Variants in CDK14 observed in about 807,000 individuals in gnomAD.
CDK14 encodes the protein cyclin dependent kinase 14, also known as cyclin-dependent kinase 14.
A neutral mutation model predicts 60.7 loss-of-function variants in CDK14; 34 were observed. That is an observed-to-expected ratio of 0.56 (90% CI 0.43 to 0.75). The LOEUF (loss-of-function observed/expected upper bound fraction) is 0.75. Ranked by LOEUF, CDK14 falls within the 30% of genes least tolerant of loss-of-function variation. The probability of loss-of-function intolerance (pLI) is 0.00; values close to 1 mark genes in which losing one functional copy is unlikely to be tolerated. For synonymous variants in CDK14, 197 were observed against 203.7 expected, an observed-to-expected ratio of 0.97 and a Z score of 0.28; for missense variants, 482 against 564.1, an observed-to-expected ratio of 0.85 and a Z score of 1.47.
intron 2 of CDK14, among the ~76,000 whole-genome samples, chr7:90,723,900 T>G (rs1802543220): frequency 6.6e-6 from 1 of 152,234 alleles, no homozygotes; most frequent in Admixed American, 6.5e-5. Flanking sequence ...GTAGTTTCCT[T>G]ACAATGTTCT....
intron 2 of CDK14, among the ~76,000 whole-genome samples, chr7:90,610,404 C>T (rs1292689394): frequency 1.3e-5 from 2 of 152,182 alleles, no homozygotes; most frequent in Admixed American, 6.5e-5. Context: ...TGTCCTTGTG[C>T]CGCTGGCCTG....
rs1393344319 is a variant in CDK14, at chr7:90,963,083, A to AAG, written c.947+7269_947+7270dup. Among the ~76,000 whole-genome samples the AAG allele has an allele frequency of 2.2e-3, 115 of 51,540 alleles. 2 individuals carry two copies. The East Asian group carries it at 0.024, about 11-fold the overall frequency. The allele number at this position is 51,540 out of a possible 152,430, so 33.8% of individuals were successfully genotyped here. A position where few individuals can be genotyped will look rare whatever the true frequency, so the allele number is the denominator to read the frequency against. On this transcript the variant is annotated intron_variant, in intron 9 of 14. Transcript: ENST00000380050. ...TTTTGGCCCAGGATATTCTCATCTT[A>AAG]AGAGTGTGTGTGTGTGTGTGTGTGT...
At chr7:90,883,358 T>C (rs1791827375) in intron 6 of CDK14, among the ~76,000 whole-genome samples, 3 of 152,070 alleles carry the variant, frequency 2.0e-5, no homozygotes. Flanking sequence ...AAGAAATGGA[T>C]AAATCCCTGG....
At chr7:90,812,875 T>C (rs537700534) in intron 5 of CDK14, among the ~76,000 whole-genome samples, 33 of 152,126 alleles carry the variant, frequency 2.2e-4, no homozygotes, top group Non-Finnish European at 4.3e-4. Flanking sequence ...AAAGGTTAAA[T>C]ATTAAATTAT....
intron 6 of CDK14, among the ~76,000 whole-genome samples, chr7:90,866,628 A>G (rs945524419): frequency 9.2e-5 from 14 of 152,166 alleles, no homozygotes; most frequent in African/African-American, 3.4e-4. Flanking sequence ...CAAGTGAAGG[A>G]TTCTTATTTA....
chr7:91,104,406 G>A (rs1172881256), intron 12 of CDK14, among the ~76,000 whole-genome samples: 1 of 152,194 alleles, frequency 6.6e-6, no homozygotes, highest in Non-Finnish European at 1.5e-5. Flanking sequence ...TCACAGGAGG[G>A]CAGCTTTCCA....
intron 2 of CDK14, among the ~76,000 whole-genome samples, chr7:90,618,155 G>A (rs1226457312): frequency 6.6e-6 from 1 of 152,050 alleles, no homozygotes; most frequent in Non-Finnish European, 1.5e-5. Flanking sequence ...TATTATGACA[G>A]CTAAAATCTT....
At chr7:90,603,327 T>C (rs1255168122) in intron 1 of CDK14, among the ~76,000 whole-genome samples, 2 of 152,220 alleles carry the variant, frequency 1.3e-5, no homozygotes, top group Non-Finnish European at 2.9e-5. Context: ...GCATACTTGA[T>C]GGTGGTCCCG....
chr7:90,602,278 CGT>C (rs1204643692), intron 1 of CDK14, among the ~76,000 whole-genome samples: 34 of 152,278 alleles, frequency 2.2e-4, no homozygotes, highest in African/African-American at 7.5e-4. Flanking sequence ...ACATAGTGCG[CGT>C]GTTCCATTAA....
chr7:91,142,053 T>G (rs1470440717), intron 14 of CDK14, among the ~76,000 whole-genome samples: 1 of 152,134 alleles, frequency 6.6e-6, no homozygotes, highest in Non-Finnish European at 1.5e-5. Flanking sequence ...CTCAATCTCC[T>G]GACCTCGTGA....
At position 91,011,322 on chromosome 7, in the gene CDK14, T is replaced by C. The variant is rs538167230; in HGVS notation, c.1041+27081T>C. 5.3e-5 allele frequency among the ~76,000 whole-genome samples: 8 copies of C among 152,230 alleles called. No individual in the cohort carries two copies. In the South Asian group the frequency reaches 1.7e-3, roughly 32 times the overall value. Reference sequence around the variant, plus strand: ...TCCTCAGCACCTAGAGGGTTAAGTGTCCATTCTGTGCTGGCTAAATAATTG... The same window carrying C: ...TCCTCAGCACCTAGAGGGTTAAGTGCCCATTCTGTGCTGGCTAAATAATTG... On this transcript the variant is annotated intron_variant, in intron 10 of 14. Coordinates refer to ENST00000380050, the MANE Select transcript of CDK14 (RefSeq NM_001287135.2).
chr7:91,170,159 T>G (rs1295419403), intron 14 of CDK14, among the ~76,000 whole-genome samples: 1 of 152,186 alleles, frequency 6.6e-6, no homozygotes, highest in Non-Finnish European at 1.5e-5. Flanking sequence ...GGTCAAATAG[T>G]GATGCTATGA....
intron 10 of CDK14, among the ~76,000 whole-genome samples, chr7:91,034,939 TACACATACACACACAC>T (rs1796874504): frequency 1.1e-5 from 1 of 94,516 alleles, no homozygotes. Flanking sequence ...CACACACACA[TACACATACACACACAC>T]ACACACACAC....
intron 4 of CDK14, among the ~76,000 whole-genome samples, chr7:90,760,766 A>G (rs3802020): frequency 0.19 from 29,056 of 152,196 alleles, 2,896 homozygotes; most frequent in South Asian, 0.24. Context: ...ATAACAGGAT[A>G]AACTGAGGGA....
At chr7:90,665,178 G>T (rs188741778) in intron 2 of CDK14, among the ~76,000 whole-genome samples, 5 of 151,852 alleles carry the variant, frequency 3.3e-5, no homozygotes, top group Non-Finnish European at 7.4e-5. Context: ...CCAGCTACTC[G>T]GGAGGCTGAG....
At chr7:90,672,036 G>T (rs1477098553) in intron 2 of CDK14, among the ~76,000 whole-genome samples, 2 of 152,188 alleles carry the variant, frequency 1.3e-5, no homozygotes, top group Non-Finnish European at 2.9e-5. Flanking sequence ...GAAGCAGGAA[G>T]AATAACTTTT....
At chr7:91,165,014 AT>A (rs1199325863) in intron 14 of CDK14, among the ~76,000 whole-genome samples, 3 of 152,184 alleles carry the variant, frequency 2.0e-5, no homozygotes, top group African/African-American at 4.8e-5. Context: ...AGAAACAGTT[AT>A]TTGATCCCTG....
At chr7:90,821,840 C>A (rs568168427) in intron 5 of CDK14, among the ~76,000 whole-genome samples, 2 of 152,290 alleles carry the variant, frequency 1.3e-5, no homozygotes, top group South Asian at 4.1e-4. Flanking sequence ...GTGTCTCCCT[C>A]CAGTCCATTA....
intron 8 of CDK14, among the ~76,000 whole-genome samples, chr7:90,944,241 T>A (rs1160537971): frequency 6.6e-6 from 1 of 152,178 alleles, no homozygotes; most frequent in African/African-American, 2.4e-5. Context: ...TTTCAAGTAT[T>A]CTTTGATAGC....
Sources: gnomAD v4.1 joint callset for allele counts (sites outside exome capture counted in the v4.1 genomes callset) on GRCh38, gnomAD v4.1.1 for gene constraint, MANE v1.5 for transcripts, NCBI Gene and HGNC (gene_info 2026-07-23, HGNC 2026-07-21) for gene names.